Variants in KMT2C observed in about 807,000 individuals in gnomAD.
KMT2C encodes lysine methyltransferase 2C.
KMT2C carries 88 observed loss-of-function variants against 507.9 expected under a neutral mutation model. The observed-to-expected ratio is 0.17, with a 90% confidence interval of 0.15 to 0.21. The LOEUF is 0.21. Among genes scored for constraint, KMT2C ranks in the 10% least tolerant of loss-of-function variants. The pLI is 1.00. For missense variants in KMT2C, 4,954 were observed against 5,957.8 expected, an observed-to-expected ratio of 0.83 and a Z score of 5.55; for synonymous variants, 2,049 against 2,080.8, an observed-to-expected ratio of 0.98 and a Z score of 0.42.
At chr7:152,142,040 TC>T (rs2129091299) in intron 55 of KMT2C, among the ~76,000 whole-genome samples, 1 of 152,118 alleles carries the variant, frequency 6.6e-6, no homozygotes, top group African/African-American at 2.4e-5. Context: ...AGAAAGAAAA[TC>T]AGTTAAAAAT....
At position 152,435,722 on chromosome 7, in the gene KMT2C, G is replaced by C. The variant is rs2097911555; in HGVS notation, c.65C>G (p.Pro22Arg). ...PQPPPPPPEE[P>R]GAPAPSPAAA... ...TGCGGGGCTCGGGGCCGGGGCTCCA[G>C]GCTCCTCGGGGGGTGGTGGCGGCGG... The change falls in exon 1 of 59, where the codon CCT becomes CGT. Residue 22 changes from proline (P) to arginine (R), a missense_variant. This residue lies in a region of KMT2C where 51 missense variants were observed against 43.5 expected (regional missense o/e 1.17). Transcript: ENST00000262189. 3 of 1,532,722 alleles carry C rather than the reference G, an allele frequency of 2.0e-6. No homozygotes were observed. Among genetic ancestry groups the C allele is most frequent in the African/African-American group, 2.8e-5 (2 of 70,514 alleles). 94.9% of individuals were successfully genotyped at this position (1,532,722 alleles called of 1,614,324 possible). A position where few individuals can be genotyped will look rare whatever the true frequency, so the allele number is the denominator to read the frequency against.
At chr7:152,364,635 A>G (rs574443046) in intron 1 of KMT2C, among the ~76,000 whole-genome samples, 14 of 151,694 alleles carry the variant, frequency 9.2e-5, no homozygotes, top group Non-Finnish European at 1.9e-4. Flanking sequence ...AGAAAAAAAG[A>G]AAAAAATGCA....
At chr7:152,342,894 G>C (rs186268534) in intron 2 of KMT2C, among the ~76,000 whole-genome samples, 4 of 152,318 alleles carry the variant, frequency 2.6e-5, no homozygotes, top group Non-Finnish European at 1.5e-5. Flanking sequence ...ACTCCAGCCA[G>C]TTCTAGCCTA....
chr7:152,329,301 A>G (rs1231176035), intron 3 of KMT2C, among the ~76,000 whole-genome samples: 1 of 152,146 alleles, frequency 6.6e-6, no homozygotes, highest in Non-Finnish European at 1.5e-5. Flanking sequence ...GCAGTGGTTC[A>G]TGCTTGCACT....
intron 1 of KMT2C, among the ~76,000 whole-genome samples, chr7:152,427,892 G>A (rs967315199): frequency 1.3e-5 from 2 of 152,030 alleles, no homozygotes; most frequent in Non-Finnish European, 2.9e-5. Flanking sequence ...TTCCTCCTTT[G>A]CAGTGACTGG....
intron 23 of KMT2C, among the ~76,000 whole-genome samples, chr7:152,215,513 C>CAAAAA (rs35751147): frequency 4.6e-4 from 12 of 25,950 alleles, no homozygotes; most frequent in Non-Finnish European, 7.9e-4. Flanking sequence ...GACTCTGTCT[C>CAAAAA]AAAAAAAAAA....
At chr7:152,345,093 C>G (rs911308478) in intron 2 of KMT2C, among the ~76,000 whole-genome samples, 2 of 151,632 alleles carry the variant, frequency 1.3e-5, no homozygotes, top group Non-Finnish European at 2.9e-5. Flanking sequence ...AAACAGTTAA[C>G]AGATATGGTA....
intron 15 of KMT2C, among the ~76,000 whole-genome samples, chr7:152,237,754 C>G (rs1171510474): frequency 6.6e-6 from 1 of 152,200 alleles, no homozygotes; most frequent in Non-Finnish European, 1.5e-5. Flanking sequence ...GCCCCCTCAG[C>G]CTCCCAAAGT....
chr7:152,148,108 C>T lies in KMT2C; in HGVS notation c.13819G>A (p.Gly4607Arg). The change falls in exon 52 of 59, where the codon GGG (glycine) becomes AGG (arginine). Residue 4607 changes from glycine to arginine, a missense_variant. Physicochemically the swap from Gly to Arg is moderately radical, Grantham distance 125. Coordinates refer to ENST00000262189, the MANE Select transcript of KMT2C (RefSeq NM_170606.3). This position sits in a 1 kb window ranked among gnomAD's most constrained non-coding sequence, Gnocchi z 7.1. ...ATCCTGATGACAAACACTGGGCGCC[C>T]ATCCTTCTCCTCAATGGAGCACAGG... ...RYLCSIEEKD[G>R]RPVFVIRIVE... 6.2e-7 allele frequency: 1 copy of T among 1,611,274 alleles called. No individual in the cohort carries two copies. Among genetic ancestry groups the T allele is most frequent in the Non-Finnish European group, 8.5e-7 (1 of 1,177,650 alleles).
intron 2 of KMT2C, among the ~76,000 whole-genome samples, chr7:152,335,563 T>C (rs2096926341): frequency 6.6e-6 from 1 of 152,224 alleles, no homozygotes; most frequent in Non-Finnish European, 1.5e-5. Flanking sequence ...CAATCCAGTA[T>C]GACTTGTCTG....
chr7:152,172,817 A>G (rs2093026773), intron 39 of KMT2C, among the ~76,000 whole-genome samples: 1 of 152,200 alleles, frequency 6.6e-6, no homozygotes, highest in Non-Finnish European at 1.5e-5. Flanking sequence ...TTATTTTCCT[A>G]TCGAGTGTTG....
chr7:152,416,906 A>T (rs536120339), intron 1 of KMT2C, among the ~76,000 whole-genome samples: 214 of 151,310 alleles, frequency 1.4e-3, no homozygotes, highest in African/African-American at 5.0e-3. Context: ...AAAATTAGCC[A>T]GGCATGGTGG....
intron 48 of KMT2C, among the ~76,000 whole-genome samples, chr7:152,153,215 T>G (rs1245686125): frequency 6.6e-6 from 1 of 152,350 alleles, no homozygotes; most frequent in East Asian, 1.9e-4. Context: ...TTAAACTATT[T>G]TAGATATTGT....
rs755313718 is a variant in KMT2C, at chr7:152,181,791, A to T, written c.6069T>A (p.Pro2023=). ...RADVFQRQRI[P]DSYARPLLTP... is the part of the protein sequence containing the mutation. ...TCAACAAGGGTCGTGCATATGAGTC[A>T]GGTATCCTTTGTCTTTGAAACACAT... Residue 2023 remains proline, a synonymous_variant, in exon 36 of 59, where the codon CCT becomes CCA. Coordinates refer to ENST00000262189, the MANE Select transcript of KMT2C (RefSeq NM_170606.3). 1.5e-5 allele frequency: 25 copies of T among 1,614,078 alleles called. No homozygotes were observed. Among genetic ancestry groups the T allele is most frequent in the Non-Finnish European group, 1.9e-5 (22 of 1,180,024 alleles).
At chr7:152,334,452 C>CAAAAAAAAAAAAAAAAAAA in intron 2 of KMT2C, among the ~76,000 whole-genome samples, 1 of 151,878 alleles carries the variant, frequency 6.6e-6, no homozygotes, top group South Asian at 2.1e-4. Flanking sequence ...AACTCCGTCT[C>CAAAAAAAAAAAAAAAAAAA]AAAAAAAGAA....
intron 2 of KMT2C, among the ~76,000 whole-genome samples, chr7:152,332,511 T>G (rs558611270): frequency 7.9e-5 from 12 of 152,212 alleles, no homozygotes; most frequent in Non-Finnish European, 1.6e-4. Flanking sequence ...TACCTTCCCC[T>G]TCAACTATAC....
intron 23 of KMT2C, among the ~76,000 whole-genome samples, chr7:152,219,581 T>TAAA (rs1207953512): frequency 2.9e-5 from 4 of 137,474 alleles, no homozygotes; most frequent in African/African-American, 5.4e-5. Context: ...CACTGCCCCT[T>TAAA]AAAAAAAAAA....
rs774438668 is a variant in KMT2C at position 152,163,829 on chromosome 7, G to A, written c.9751-3C>T. On this transcript the variant is annotated splice_polypyrimidine_tract_variant and splice_region_variant and intron_variant, in intron 42 of 58. Coordinates refer to ENST00000262189, the MANE Select transcript of KMT2C (RefSeq NM_170606.3). ...TGTTCTTTCTGTTGTTTACGAATCT[G>A]GAATAACAAAATGCATCATTACTCA... 10 of 1,612,628 alleles carry A rather than the reference G, an allele frequency of 6.2e-6. No individual in the cohort carries two copies. Among genetic ancestry groups the A allele is most frequent in the South Asian group, 2.2e-5 (2 of 91,044 alleles).
intron 3 of KMT2C, among the ~76,000 whole-genome samples, chr7:152,323,605 C>T (rs1441836385): frequency 1.4e-5 from 2 of 144,746 alleles, no homozygotes; most frequent in Non-Finnish European, 3.0e-5. Context: ...TGGCACTGTA[C>T]TCCAGCCTGG....
Sources: gnomAD v4.1 joint callset for allele counts (sites outside exome capture counted in the v4.1 genomes callset) on GRCh38, gnomAD v4.1.1 for gene constraint, gnomAD v4.1.1 regional missense constraint, Gnocchi (gnomAD v3.1) non-coding constraint, MANE v1.5 for transcripts, NCBI Gene and HGNC (gene_info 2026-07-23, HGNC 2026-07-21) for gene names.